GLG1: variants seen among roughly 807,000 people sequenced by gnomAD.
GLG1 encodes golgi glycoprotein 1.
A neutral mutation model predicts 160.5 loss-of-function variants in GLG1; 38 were observed. The ratio of observed to expected loss-of-function variants is 0.24; its 90% CI spans 0.18 to 0.31. The LOEUF is 0.31. Among genes scored for constraint, GLG1 ranks in the 10% least tolerant of loss-of-function variants. The pLI, the probability that GLG1 is intolerant of heterozygous loss-of-function variation, is 1.00. For missense variants in GLG1, 1,373 were observed against 1,505.2 expected, an observed-to-expected ratio of 0.91 and a Z score of 1.45; for synonymous variants, 644 against 543.4, an observed-to-expected ratio of 1.19 and a Z score of -2.57.
intron 3 of GLG1, among the ~76,000 whole-genome samples, chr16:74,505,339 C>G (rs765286599): frequency 6.6e-6 from 1 of 152,232 alleles, no homozygotes; most frequent in Non-Finnish European, 1.5e-5. Flanking sequence ...TAGTCTCACA[C>G]TGGTTTCAGA....
intron 3 of GLG1, among the ~76,000 whole-genome samples, chr16:74,507,464 C>T (rs534623590): frequency 5.9e-5 from 9 of 152,246 alleles, no homozygotes; most frequent in East Asian, 1.9e-4. Context: ...TGGCCGGGCA[C>T]GGTGACTCAT....
intron 25 of GLG1, among the ~76,000 whole-genome samples, chr16:74,454,217 TTTCA>T (rs1412089074): frequency 6.6e-6 from 1 of 151,948 alleles, no homozygotes; most frequent in Non-Finnish European, 1.5e-5. Context: ...TTGGCTTTTT[TTTCA>T]TTGAGTTGGG....
intron 1 of GLG1, among the ~76,000 whole-genome samples, chr16:74,532,493 G>C (rs2017569183): frequency 6.6e-6 from 1 of 152,058 alleles, no homozygotes; most frequent in Admixed American, 6.5e-5. Context: ...TTATTATAGA[G>C]TGCAGAGAAA....
At chr16:74,520,513 G>A (rs1199638610) in intron 2 of GLG1, among the ~76,000 whole-genome samples, 1 of 152,162 alleles carries the variant, frequency 6.6e-6, no homozygotes, top group East Asian at 1.9e-4. Context: ...GCGCATGCCT[G>A]TAATCCCAGC....
At chr16:74,530,456 T>G (rs1287594779) in intron 2 of GLG1, among the ~76,000 whole-genome samples, 1 of 152,160 alleles carries the variant, frequency 6.6e-6, no homozygotes, top group Admixed American at 6.5e-5. Flanking sequence ...AACTTTGCCA[T>G]CCTAGTGTGA....
intron 1 of GLG1, among the ~76,000 whole-genome samples, chr16:74,559,046 G>A (rs2018431582): frequency 1.3e-5 from 2 of 151,974 alleles, no homozygotes; most frequent in South Asian, 2.1e-4. Flanking sequence ...CACTATGTGT[G>A]ACTCATTTTT....
intron 1 of GLG1, among the ~76,000 whole-genome samples, chr16:74,597,975 C>T (rs34343506): frequency 0.41 from 61,846 of 151,792 alleles, 13,090 homozygotes; most frequent in African/African-American, 0.5. Flanking sequence ...GAGATCACAC[C>T]ACTGCACTCC....
intron 4 of GLG1, among the ~76,000 whole-genome samples, chr16:74,501,748 T>C (rs2016410964): frequency 6.6e-6 from 1 of 152,236 alleles, no homozygotes; most frequent in African/African-American, 2.4e-5. Context: ...TGGAATTGGA[T>C]ATAATTTTCA....
At chr16:74,487,076 G>C (rs577276548) in intron 8 of GLG1, among the ~76,000 whole-genome samples, 1 of 152,094 alleles carries the variant, frequency 6.6e-6, no homozygotes, top group East Asian at 1.9e-4. Context: ...ACCACTCCCG[G>C]CTAACTTTTG....
chr16:74,524,245 A>AT (rs921082077), intron 2 of GLG1, among the ~76,000 whole-genome samples: 9 of 152,038 alleles, frequency 5.9e-5, no homozygotes, highest in Non-Finnish European at 1.2e-4. Flanking sequence ...TGACAGCTCA[A>AT]TTTTTTCCTT....
intron 11 of GLG1, among the ~76,000 whole-genome samples, chr16:74,478,944 A>ACCTCTAAT (rs2015493677): frequency 7.0e-6 from 1 of 142,540 alleles, no homozygotes; most frequent in Admixed American, 7.4e-5. Flanking sequence ...AGTGGCTCAC[A>ACCTCTAAT]CCTCTAATCC....
intron 1 of GLG1, among the ~76,000 whole-genome samples, chr16:74,595,146 C>T (rs1958269931): frequency 1.3e-5 from 2 of 150,794 alleles, no homozygotes; most frequent in African/African-American, 4.9e-5. Context: ...GGAGATCGCG[C>T]CACTGCAATC....
intron 1 of GLG1, among the ~76,000 whole-genome samples, chr16:74,568,201 G>A (rs2143768603): frequency 6.6e-6 from 1 of 152,296 alleles, no homozygotes; most frequent in East Asian, 1.9e-4. Flanking sequence ...CTGCTAAGAT[G>A]CCAAGTATCA....
At chr16:74,604,253 T>C (rs1363753690) in intron 1 of GLG1, among the ~76,000 whole-genome samples, 1 of 152,172 alleles carries the variant, frequency 6.6e-6, no homozygotes, top group Non-Finnish European at 1.5e-5. Context: ...AAAGTTAAGT[T>C]TGACATATGC....
Position 74,497,220 on chromosome 16 carries a change from C to T in GLG1, c.775-576G>A, listed in dbSNP as rs528120364. On this transcript the variant is annotated intron_variant, in intron 4 of 25. Coordinates refer to ENST00000422840, the MANE Select transcript of GLG1 (RefSeq NM_001145667.2). Reference sequence around the variant, plus strand: ...AGGAGAATCACTTGAACCCAGTAGGCGGAGGTTGCAGTGAGCCGAGATCGT... The same window carrying T: ...AGGAGAATCACTTGAACCCAGTAGGTGGAGGTTGCAGTGAGCCGAGATCGT... 3.4e-3 allele frequency among the ~76,000 whole-genome samples: 505 copies of T among 150,524 alleles called. 6 individuals are homozygous for T. Among genetic ancestry groups the T allele is most frequent in the South Asian group, 0.019 (89 of 4,650 alleles).
intron 1 of GLG1, among the ~76,000 whole-genome samples, chr16:74,582,691 C>T (rs1032494492): frequency 3.3e-5 from 5 of 151,604 alleles, no homozygotes; most frequent in African/African-American, 9.7e-5. Context: ...TGGTGGCGGG[C>T]GCCTATAGTC....
At chr16:74,482,052 T>C (rs555477620) in intron 10 of GLG1, among the ~76,000 whole-genome samples, 11 of 152,268 alleles carry the variant, frequency 7.2e-5, no homozygotes, top group African/African-American at 2.2e-4. Flanking sequence ...ACTCCCAAAG[T>C]GCTGGGATTA....
intron 1 of GLG1, among the ~76,000 whole-genome samples, chr16:74,550,402 T>C (rs1038247311): frequency 2.0e-5 from 3 of 152,054 alleles, no homozygotes; most frequent in Admixed American, 6.6e-5. Context: ...AAGATAAGCA[T>C]ATGAGAGCAG....
chr16:74,499,764 G>A (rs2016339924), intron 4 of GLG1, among the ~76,000 whole-genome samples: 1 of 152,186 alleles, frequency 6.6e-6, no homozygotes, highest in Admixed American at 6.5e-5. Context: ...AGCGCTTTGG[G>A]AGGCCGAGGC....
Sources: allele counts gnomAD v4.1 joint callset (sites outside exome capture counted in the v4.1 genomes callset), GRCh38; gene constraint gnomAD v4.1.1; transcripts MANE v1.5; gene names NCBI Gene and HGNC (gene_info 2026-07-23, HGNC 2026-07-21).